Variants in RBM26 observed in about 807,000 individuals in gnomAD.
RBM26 encodes the protein RNA binding motif protein 26.
In RBM26, 30 loss-of-function variants were observed where a neutral mutation model predicts 123.6. The observed-to-expected ratio is 0.24, with a 90% CI of 0.18 to 0.33. The LOEUF is 0.33. Among genes scored for constraint, RBM26 ranks in the 10% least tolerant of loss-of-function variants. The pLI is 1.00. For missense variants in RBM26, 947 were observed against 1,203.6 expected (o/e 0.79, Z 3.15); for synonymous variants, 400 against 404.4 (o/e 0.99, Z 0.13).
Position 79,312,090 on chromosome 13 carries a change from A to G in RBM26, c.*2880T>C, listed in dbSNP as rs560890012. On this transcript the variant is annotated 3_prime_UTR_variant, in exon 5 of 5. Coordinates refer to the RBM26 transcript ENST00000449987. ...AACCAATTGCTTTCGCTCCACTCAA[A>G]GAGCAGGGAAATTTTTTCCCCATGC... 118 of 152,162 alleles carry G rather than the reference A, an allele frequency of 7.8e-4. 1 individual carries two copies. Among genetic ancestry groups the G allele is most frequent in the African/African-American group, 2.8e-3 (116 of 41,542 alleles). The allele number at this position is 152,162 out of a possible 1,614,324, so 9.4% of individuals were successfully genotyped here.
In RBM26 at chr13:79,337,087, G is replaced by T. The variant is rs781166653; in HGVS notation, c.2733+15C>A. 1 of 1,606,358 alleles carries T rather than the reference G, an allele frequency of 6.2e-7. No homozygotes were observed. Among genetic ancestry groups the T allele is most frequent in the African/African-American group, 1.3e-5 (1 of 74,898 alleles). Reference sequence around the variant, plus strand: ...TGATTATCAGCATTTGTTTTGTTGAGCAGTAAGAAAGTACCGCAAAATGAG... The same window carrying T: ...TGATTATCAGCATTTGTTTTGTTGATCAGTAAGAAAGTACCGCAAAATGAG... On this transcript the variant is annotated intron_variant, in intron 19 of 21. Coordinates refer to ENST00000438737, the MANE Select transcript of RBM26 (RefSeq NM_001366735.2).
At chr13:79,312,616 T>C (rs1333927767) in exon 5 of RBM26, 1 of 152,056 alleles carries the variant, frequency 6.6e-6, no homozygotes, top group African/African-American at 2.4e-5. Flanking sequence ...AAAACAGCCA[T>C]GCTGAATGAG....
At chr13:79,380,603 A>G (rs1386716220) in intron 1 of RBM26, among the ~76,000 whole-genome samples, 3 of 151,984 alleles carry the variant, frequency 2.0e-5, no homozygotes, top group African/African-American at 7.2e-5. Context: ...TAGCCTATCT[A>G]TCACCTAAAA....
intron 14 of RBM26, among the ~76,000 whole-genome samples, chr13:79,345,631 T>A (rs1319241332): frequency 6.6e-6 from 1 of 151,668 alleles, no homozygotes; most frequent in Non-Finnish European, 1.5e-5. Flanking sequence ...AGTTTGCTCA[T>A]CTATAAAATA....
At chr13:79,316,924 T>C (rs1406290039), downstream of RBM26, among the ~76,000 whole-genome samples, 5 of 151,630 alleles carry the variant, frequency 3.3e-5, no homozygotes, top group Non-Finnish European at 5.9e-5. Flanking sequence ...AAATAATCTG[T>C]TAGGAGAGCT....
downstream of RBM26, among the ~76,000 whole-genome samples, chr13:79,318,418 G>C (rs980505759): frequency 1.3e-5 from 2 of 151,212 alleles, no homozygotes; most frequent in African/African-American, 4.8e-5. Context: ...GAAAACATAT[G>C]AAAGTACATG....
At chr13:79,336,731 C>T (rs1423415623) in intron 19 of RBM26, among the ~76,000 whole-genome samples, 2 of 152,158 alleles carry the variant, frequency 1.3e-5, no homozygotes, top group African/African-American at 4.8e-5. Context: ...ATCAAGAATA[C>T]ATTTTTAACA....
At chr13:79,345,592 G>A (rs765853555) in intron 14 of RBM26, among the ~76,000 whole-genome samples, 9 of 151,960 alleles carry the variant, frequency 5.9e-5, no homozygotes, top group Non-Finnish European at 1.3e-4. Context: ...ATGAGGCCAC[G>A]GGTAAGATTA....
In RBM26 at chr13:79,365,680, T is replaced by C; in HGVS notation, c.1315A>G (p.Ser439Gly). Residue 439 changes from serine to glycine, a missense_variant, in exon 9 of 22, where the codon AGC (serine) becomes GGC (glycine). Around this residue, in one of 5 missense-constraint regions of RBM26, gnomAD observed 493 missense variants for 563.1 expected, o/e 0.88. Transcript: ENST00000438737. ...ATAGGTCTGGAAGTGTTTGTTATGC[T>C]TGGGGCTTCAGGATTGTAGCCATCT... ...DTDGYNPEAP[S>G]ITNTSRPMYR... 4 of 1,613,974 alleles carry C rather than the reference T, an allele frequency of 2.5e-6. No individual in the cohort carries two copies. The highest frequency in any genetic ancestry group is 1.1e-5 in the South Asian group (1 of 91,082).
At chr13:79,348,049 A>G (rs558247388) in intron 14 of RBM26, among the ~76,000 whole-genome samples, 1 of 152,158 alleles carries the variant, frequency 6.6e-6, no homozygotes, top group African/African-American at 2.4e-5. Flanking sequence ...CCCTCATTCT[A>G]CTAACATCAA....
chr13:79,366,553 T>C, intron 7 of RBM26, 80 bp downstream of exon 7: 1 of 1,388,160 alleles, frequency 7.2e-7, no homozygotes, highest in Non-Finnish European at 9.7e-7. Context: ...TTAGATACTT[T>C]TAATTTAAGA....
chr13:79,313,223 T>A (rs1452068065), exon 5 of RBM26: 2 of 151,906 alleles, frequency 1.3e-5, no homozygotes, highest in African/African-American at 4.8e-5. Flanking sequence ...ACCTTATCTC[T>A]AATCAACACG....
intron 21 of RBM26, among the ~76,000 whole-genome samples, chr13:79,321,707 T>A (rs2067689245): frequency 6.6e-6 from 1 of 151,528 alleles, no homozygotes; most frequent in South Asian, 2.1e-4. Flanking sequence ...GAAGCTGTTT[T>A]ACTGCTTAGG....
intron 19 of RBM26, among the ~76,000 whole-genome samples, chr13:79,336,891 A>C (rs956018426): frequency 6.6e-6 from 1 of 152,212 alleles, no homozygotes; most frequent in Non-Finnish European, 1.5e-5. Context: ...TTCATGGCCT[A>C]CTAAGTGTAA....
chr13:79,359,858 T>A (rs1343548055), intron 9 of RBM26, among the ~76,000 whole-genome samples, 172 bp from the exon 10 acceptor site: 2 of 151,394 alleles, frequency 1.3e-5, no homozygotes, highest in African/African-American at 4.8e-5. Context: ...CTCCCCCTTA[T>A]CCAGTTTCAT....
chr13:79,397,037 C>G (rs907957219), intron 1 of RBM26, among the ~76,000 whole-genome samples: 2 of 151,990 alleles, frequency 1.3e-5, no homozygotes, highest in African/African-American at 2.4e-5. Context: ...AAAAATTAGC[C>G]AAGGGTGGTG....
intron 3 of RBM26, 143 bp from the exon 4 acceptor site, chr13:79,372,073 G>GT: frequency 1.7e-6 from 1 of 597,030 alleles, no homozygotes; most frequent in Non-Finnish European, 2.9e-6. Context: ...GAAGTCGGAA[G>GT]TTCGACACCA....
chr13:79,371,809 G>C lies in RBM26; in HGVS notation c.416+33C>G, dbSNP rs201673168. 1.1e-5 allele frequency: 16 copies of C among 1,411,944 alleles called. No homozygotes were observed. In the African/African-American group the frequency reaches 2.1e-4, roughly 19 times the overall value. 87.5% of individuals were successfully genotyped at this position (1,411,944 alleles called of 1,614,324 possible). On this transcript the variant is annotated intron_variant, in intron 4 of 21. Transcript: ENST00000438737. The stretch of plus-strand genomic sequence containing the variant: ...ATTTGTATAAAAGATAACTTACATC[G>C]AAACACTGAGTATGGTTCAATGAAC...
At chr13:79,341,096 C>T (rs1018823529) in intron 18 of RBM26, 27 bp downstream of exon 18, 1 of 1,334,222 alleles carries the variant, frequency 7.5e-7, no homozygotes, top group African/African-American at 1.5e-5. Context: ...TCTTTTAAGC[C>T]TACTGTGTAG....
Sources: gnomAD v4.1 joint callset for allele counts (sites outside exome capture counted in the v4.1 genomes callset) on GRCh38, gnomAD v4.1.1 for gene constraint, gnomAD v4.1.1 regional missense constraint, MANE v1.5 for transcripts, NCBI Gene and HGNC (gene_info 2026-07-23, HGNC 2026-07-21) for gene names.